The following TRPC1 variants were observed in gnomAD, a reference collection of about 807,000 sequenced individuals.
TRPC1 encodes transient receptor potential cation channel subfamily C member 1.
A neutral mutation model predicts 88.2 loss-of-function variants in TRPC1; 42 were observed. The ratio of observed to expected loss-of-function variants is 0.48; its 90% CI spans 0.37 to 0.62. The LOEUF is 0.62. Among genes scored for constraint, TRPC1 ranks in the 20% least tolerant of loss-of-function variants. The pLI, the probability that TRPC1 is intolerant of heterozygous loss-of-function variation, is 0.00. For missense variants in TRPC1, 699 were observed against 957.3 expected (o/e 0.73, Z 3.56); for synonymous variants, 288 against 331.8 (o/e 0.87, Z 1.43).
At chr3:142,804,385 T>C in intron 11 of TRPC1, 51 bp from the exon 12 acceptor site, 1 of 1,480,604 alleles carries the variant, frequency 6.8e-7, no homozygotes, top group Non-Finnish European at 9.1e-7. Context: ...TCCCCCATAT[T>C]TGTGTGTGTA....
intron 4 of TRPC1, among the ~76,000 whole-genome samples, chr3:142,771,548 G>A (rs940180266): frequency 2.6e-5 from 4 of 151,934 alleles, no homozygotes; most frequent in Admixed American, 6.6e-5. Flanking sequence ...TTCCTTTCTC[G>A]TAATGATATT....
In TRPC1 at chr3:142,766,036, TA is replaced by T. The variant is rs141184123; in HGVS notation, c.633-11585del. ...ACCAGTCAGAATGTCTATTAAGAAG[TA>T]AAAAAAAAAACAGATGCTGGCAAGG... On this transcript the variant is annotated intron_variant, in intron 4 of 12. Coordinates refer to ENST00000476941, the MANE Select transcript of TRPC1 (RefSeq NM_001251845.2). Among the ~76,000 whole-genome samples, 284 of 143,562 alleles carry T rather than the reference TA, an allele frequency of 2.0e-3. 1 individual carries two copies. Among genetic ancestry groups the T allele is most frequent in the African/African-American group, 6.9e-3 (268 of 39,124 alleles). The allele number at this position is 143,562 out of a possible 152,430, so 94.2% of individuals were successfully genotyped here.
chr3:142,724,435 C>A lies in TRPC1; in HGVS notation c.-125C>A. The A allele has an allele frequency of 1.0e-6, 1 of 956,984 alleles. No individual in the cohort carries two copies. Among genetic ancestry groups the A allele is most frequent in the Non-Finnish European group, 1.4e-6 (1 of 690,484 alleles). The allele number at this position is 956,984 out of a possible 1,614,324, so 59.3% of individuals were successfully genotyped here. ...CCCTTCGGGGCCAACGGGCCTCGAG[C>A]CGAGGCAGCAGTGGGAACGACTCAT... On this transcript the variant is annotated 5_prime_UTR_variant, in exon 1 of 13. Coordinates refer to ENST00000476941, the MANE Select transcript of TRPC1 (RefSeq NM_001251845.2). This position sits in a 1 kb window ranked among gnomAD's most constrained non-coding sequence, Gnocchi z 5.6.
In TRPC1 at chr3:142,724,882, A is replaced by C; in HGVS notation, c.172+151A>C. 1.1e-6 allele frequency: 1 copy of C among 903,394 alleles called. No individual in the cohort carries two copies. Among genetic ancestry groups the C allele is most frequent in the Non-Finnish European group, 1.5e-6 (1 of 649,200 alleles). The allele number at this position is 903,394 out of a possible 1,614,324, so 56.0% of individuals were successfully genotyped here. A position where few individuals can be genotyped will look rare whatever the true frequency, so the allele number is the denominator to read the frequency against. On this transcript the variant is annotated intron_variant, in intron 1 of 12. Coordinates refer to ENST00000476941, the MANE Select transcript of TRPC1 (RefSeq NM_001251845.2). The surrounding 1 kb of genome is among the most constrained non-coding windows in gnomAD (Gnocchi z 5.6). ...TGCTGCCTCAGGCGGTCTTCTCCTCACCGCCTCTGCCCTGTGAGTGTGGAG... is the reference window on the plus strand; with the variant it reads ...TGCTGCCTCAGGCGGTCTTCTCCTCCCCGCCTCTGCCCTGTGAGTGTGGAG...
At chr3:142,734,933 A>G (rs1240485518) in intron 1 of TRPC1, among the ~76,000 whole-genome samples, 1 of 152,214 alleles carries the variant, frequency 6.6e-6, no homozygotes, top group Non-Finnish European at 1.5e-5. Flanking sequence ...GTCACCTGAA[A>G]TAAGATTTTA....
At chr3:142,763,989 TACATAC>T (rs1560105015) in intron 4 of TRPC1, among the ~76,000 whole-genome samples, 686 of 64,902 alleles carry the variant, frequency 0.011, 72 homozygotes, top group African/African-American at 0.075. Flanking sequence ...TATATACACA[TACATAC>T]ATACATATAT....
chr3:142,748,610 A>G, intron 4 of TRPC1, 150 bp downstream of exon 4: 1 of 727,574 alleles, frequency 1.4e-6, no homozygotes, highest in Non-Finnish European at 2.2e-6. Context: ...TGTTTTATAT[A>G]ATGCATTCTG....
At chr3:142,804,762 C>T in intron 12 of TRPC1, 132 bp downstream of exon 12, 1 of 697,492 alleles carries the variant, frequency 1.4e-6, no homozygotes, top group Non-Finnish European at 2.3e-6. Context: ...GCTATATACC[C>T]TAATGTACGG....
intron 4 of TRPC1, among the ~76,000 whole-genome samples, chr3:142,756,439 A>G (rs1934967036): frequency 6.7e-6 from 1 of 150,354 alleles, no homozygotes; most frequent in Admixed American, 6.7e-5. Flanking sequence ...AGCTCACTGC[A>G]AGCTCCGCCT....
At chr3:142,728,573 G>A (rs1020814947) in intron 1 of TRPC1, among the ~76,000 whole-genome samples, 6 of 152,040 alleles carry the variant, frequency 3.9e-5, no homozygotes, top group African/African-American at 9.7e-5. Context: ...CACCCGCCTC[G>A]GCTTCCCAAA....
In TRPC1 at chr3:142,792,961, A is replaced by G. The variant is rs762029758; in HGVS notation, c.1575A>G (p.Pro525=). 8.3e-6 allele frequency: 13 copies of G among 1,575,578 alleles called. No individual in the cohort carries two copies. The East Asian group carries it at 2.5e-4, about 30-fold the overall frequency. The change falls in exon 9 of 13, where the codon CCA becomes CCG. Residue 525 remains proline (P), a synonymous_variant. Coordinates refer to ENST00000476941, the MANE Select transcript of TRPC1 (RefSeq NM_001251845.2). The surrounding 1 kb of genome is among the most constrained non-coding windows in gnomAD (Gnocchi z 4.0). ...ATACAACCAGCTCTATCTTGGGTCC[A>G]TTACAGGTAAATAATTAAAATTTCT... ...FMYTTSSILG[P]LQISMGQMLQ...
At position 142,724,630 on chromosome 3, in the gene TRPC1, C is replaced by G; in HGVS notation, c.71C>G (p.Ser24Cys). 1 of 1,612,670 alleles carries G rather than the reference C, an allele frequency of 6.2e-7. No homozygotes were observed. The highest frequency in any genetic ancestry group is 8.5e-7 in the Non-Finnish European group (1 of 1,179,514). The change falls in exon 1 of 13, where the codon TCC (serine) becomes TGC (cysteine). Residue 24 changes from serine to cysteine, a missense_variant. Around this residue, in one of 4 missense-constraint regions of TRPC1, gnomAD observed 157 missense variants for 127.0 expected, o/e 1.24. Coordinates refer to ENST00000476941, the MANE Select transcript of TRPC1 (RefSeq NM_001251845.2). The surrounding 1 kb of genome is among the most constrained non-coding windows in gnomAD (Gnocchi z 5.6). Reference sequence around the variant, plus strand: ...TCCTCCTCCCTGCCTTCCTCTCCATCCTCTTCCTCGCCGAACGAGGTGATG... The same window carrying G: ...TCCTCCTCCCTGCCTTCCTCTCCATGCTCTTCCTCGCCGAACGAGGTGATG... ...ASSSSLPSSP[S>C]SSSPNEVMAL...
Position 142,724,580 on chromosome 3 carries a change from G to A in TRPC1, c.21G>A (p.Pro7=). 6.3e-7 allele frequency: 1 copy of A among 1,578,812 alleles called. No individual in the cohort carries two copies. The highest frequency in any genetic ancestry group is 8.6e-7 in the Non-Finnish European group (1 of 1,163,196). The change falls in exon 1 of 13, where the codon CCG becomes CCA. Residue 7 remains proline, a synonymous_variant. Transcript: ENST00000476941. This position sits in a 1 kb window ranked among gnomAD's most constrained non-coding sequence, Gnocchi z 5.6. ...CCGCGATGATGGCGGCCCTGTACCC[G>A]AGCACGGACCTCTCGGGCGCCTCCT... is the stretch of plus-strand genomic sequence containing the variant. MMAALY[P]STDLSGASSS...
intron 4 of TRPC1, among the ~76,000 whole-genome samples, chr3:142,762,325 C>T (rs1233020215): frequency 6.6e-6 from 1 of 151,916 alleles, no homozygotes; most frequent in Non-Finnish European, 1.5e-5. Context: ...TATGAGCCAC[C>T]GTGCCTGGCC....
intron 4 of TRPC1, among the ~76,000 whole-genome samples, chr3:142,756,168 A>G (rs1934952498): frequency 6.6e-6 from 1 of 152,186 alleles, no homozygotes; most frequent in Non-Finnish European, 1.5e-5. Context: ...TAGCTGCTCA[A>G]CATTTGAGTT....
intron 7 of TRPC1, among the ~76,000 whole-genome samples, chr3:142,789,930 G>A (rs1288766099): frequency 6.6e-6 from 1 of 152,134 alleles, no homozygotes; most frequent in Non-Finnish European, 1.5e-5. Flanking sequence ...CTTACCCAAA[G>A]TGGGGGAAAG....
chr3:142,766,019 G>A (rs1328026525), intron 4 of TRPC1, among the ~76,000 whole-genome samples: 2 of 151,580 alleles, frequency 1.3e-5, no homozygotes, highest in East Asian at 3.9e-4. Flanking sequence ...ATACCAGTCA[G>A]AATGTCTATT....
chr3:142,797,175 G>GT (rs200039380), intron 9 of TRPC1, among the ~76,000 whole-genome samples: 11,247 of 136,164 alleles, frequency 0.083, 429 homozygotes, highest in African/African-American at 0.11. Flanking sequence ...AAAAAAGGTT[G>GT]TTTTTTTTTT....
chr3:142,782,184 T>C (rs190980642), intron 6 of TRPC1, among the ~76,000 whole-genome samples: 1 of 152,158 alleles, frequency 6.6e-6, no homozygotes, highest in East Asian at 1.9e-4. Flanking sequence ...AAAAAAATCT[T>C]AAGAGGTAAT....
Sources: allele counts gnomAD v4.1 joint callset (sites outside exome capture counted in the v4.1 genomes callset), GRCh38; gene constraint gnomAD v4.1.1; regional missense constraint gnomAD v4.1.1; non-coding constraint Gnocchi (gnomAD v3.1); transcripts MANE v1.5; gene names NCBI Gene and HGNC (gene_info 2026-07-23, HGNC 2026-07-21).